SMYD3: variants seen among roughly 807,000 people sequenced by gnomAD.
SMYD3 encodes histone-lysine N-methyltransferase SMYD3.
SMYD3 carries 36 observed loss-of-function variants against 57.7 expected under a neutral mutation model. The ratio of observed to expected loss-of-function variants is 0.62; its 90% CI spans 0.48 to 0.82. The LOEUF (loss-of-function observed/expected upper bound fraction) is 0.82, where lower values mean the gene tolerates loss of function less well. Among genes scored for constraint, SMYD3 ranks in the 40% least tolerant of loss-of-function variants. The probability of loss-of-function intolerance (pLI) is 0.00; values close to 1 mark genes in which losing one functional copy is unlikely to be tolerated. For synonymous variants in SMYD3, 211 were observed against 195.0 expected (o/e 1.08, Z -0.68); for missense variants, 515 against 538.8 (o/e 0.96, Z 0.44).
intron 5 of SMYD3, among the ~76,000 whole-genome samples, chr1:246,121,918 T>C (rs1189920839): frequency 6.6e-6 from 1 of 152,150 alleles, no homozygotes; most frequent in African/African-American, 2.4e-5. Flanking sequence ...AAACTTTCCA[T>C]GTTCAGAATG....
chr1:245,863,389 G>A (rs2051659800), intron 9 of SMYD3, among the ~76,000 whole-genome samples: 1 of 152,118 alleles, frequency 6.6e-6, no homozygotes, highest in Admixed American at 6.5e-5. Context: ...AGTCGTGGCT[G>A]GTTTAATATG....
rs186711638 is a variant in SMYD3 at position 246,479,941 on chromosome 1, C to T, written c.164+27113G>A. On this transcript the variant is annotated intron_variant, in intron 1 of 11. Transcript: ENST00000490107. The stretch of plus-strand genomic sequence containing the variant: ...AACAACAGTGGCATGTAAAGTCTCA[C>T]ATTAAATATCGCAACAAATACTGAA... Among the ~76,000 whole-genome samples the T allele has an allele frequency of 3.9e-5, 6 of 152,280 alleles. No homozygotes were observed. In the East Asian group the frequency reaches 5.8e-4, roughly 15 times the overall value.
intron 8 of SMYD3, among the ~76,000 whole-genome samples, chr1:245,907,225 C>T (rs1425659278): frequency 6.6e-6 from 1 of 152,150 alleles, no homozygotes; most frequent in Non-Finnish European, 1.5e-5. Context: ...GTAATCGGAT[C>T]GTTTGTAACT....
chr1:246,369,610 T>G (rs1221399157), intron 1 of SMYD3, among the ~76,000 whole-genome samples: 2 of 152,156 alleles, frequency 1.3e-5, no homozygotes, highest in African/African-American at 2.4e-5. Context: ...CACTGAAGCC[T>G]CTACCTCCCA....
At chr1:245,812,613 A>AC (rs1480993944) in intron 10 of SMYD3, among the ~76,000 whole-genome samples, 7 of 149,714 alleles carry the variant, frequency 4.7e-5, no homozygotes, top group Non-Finnish European at 8.9e-5. Context: ...TAGGAAACCA[A>AC]CCCCTGGTCA....
At chr1:246,309,059 C>T (rs1474874848) in intron 5 of SMYD3, among the ~76,000 whole-genome samples, 1 of 151,814 alleles carries the variant, frequency 6.6e-6, no homozygotes, top group Non-Finnish European at 1.5e-5. Context: ...AAGAAGCATC[C>T]GTTCTGTATT....
At chr1:246,100,247 G>A (rs1050977392) in intron 5 of SMYD3, among the ~76,000 whole-genome samples, 1 of 152,170 alleles carries the variant, frequency 6.6e-6, no homozygotes, top group Non-Finnish European at 1.5e-5. Context: ...ATTAGTATAA[G>A]CTTTTCATAC....
intron 8 of SMYD3, among the ~76,000 whole-genome samples, chr1:245,877,101 G>A (rs997518844): frequency 3.9e-5 from 6 of 152,218 alleles, no homozygotes; most frequent in African/African-American, 1.4e-4. Context: ...AGGCCACGCT[G>A]TTGGGTGCTT....
At chr1:246,165,878 A>G (rs751753899) in intron 5 of SMYD3, among the ~76,000 whole-genome samples, 10 of 152,186 alleles carry the variant, frequency 6.6e-5, no homozygotes, top group Non-Finnish European at 1.5e-4. Flanking sequence ...CCCACTCTAC[A>G]TTAGGGTGAG....
Position 245,825,132 on chromosome 1 carries a change from G to A in SMYD3, c.1076+33364C>T, listed in dbSNP as rs1474281644. Among the ~76,000 whole-genome samples the A allele has an allele frequency of 3.3e-5, 5 of 152,320 alleles. No individual in the cohort carries two copies. The East Asian group carries it at 9.7e-4, about 29-fold the overall frequency. ...GAGTAGACCCCATAACAGCCACCCA[G>A]ACACGTGAGAATGCAGCTTTGCCTT... is the stretch of plus-strand genomic sequence containing the variant. On this transcript the variant is annotated intron_variant, in intron 10 of 11. Transcript: ENST00000490107.
At chr1:246,465,960 T>C (rs945681957) in intron 1 of SMYD3, among the ~76,000 whole-genome samples, 1 of 152,186 alleles carries the variant, frequency 6.6e-6, no homozygotes, top group Non-Finnish European at 1.5e-5. Context: ...TTAGTAGAGA[T>C]GGGGTTTTGC....
At chr1:246,051,137 T>C (rs1415964228) in intron 5 of SMYD3, among the ~76,000 whole-genome samples, 1 of 150,628 alleles carries the variant, frequency 6.6e-6, no homozygotes, top group Admixed American at 6.6e-5. Flanking sequence ...TTACTCCTTT[T>C]TTTTTTTTTT....
intron 8 of SMYD3, among the ~76,000 whole-genome samples, chr1:245,886,693 G>A (rs147483162): frequency 1.3e-5 from 2 of 152,230 alleles, no homozygotes; most frequent in East Asian, 1.9e-4. Context: ...TGGGTGTAAT[G>A]ATGTGAAAAC....
chr1:245,922,918 T>C (rs1312645396), intron 7 of SMYD3, among the ~76,000 whole-genome samples: 1 of 152,224 alleles, frequency 6.6e-6, no homozygotes, highest in African/African-American at 2.4e-5. Context: ...ACAGACTACT[T>C]AGGTCTTACT....
At chr1:246,387,486 C>T (rs1369960420) in intron 1 of SMYD3, among the ~76,000 whole-genome samples, 1 of 152,166 alleles carries the variant, frequency 6.6e-6, no homozygotes, top group African/African-American at 2.4e-5. Context: ...TATTTGTTAC[C>T]ATGTGCCAGA....
chr1:246,139,870 T>C (rs2061724313), intron 5 of SMYD3, among the ~76,000 whole-genome samples: 1 of 152,236 alleles, frequency 6.6e-6, no homozygotes, highest in Non-Finnish European at 1.5e-5. Flanking sequence ...AAATATGCCA[T>C]GGATAGTCCG....
intron 8 of SMYD3, among the ~76,000 whole-genome samples, chr1:245,866,325 TATAGTA>T (rs2051840602): frequency 6.6e-6 from 1 of 151,462 alleles, no homozygotes; most frequent in Non-Finnish European, 1.5e-5. Flanking sequence ...GTCTGTGTGA[TATAGTA>T]GAGTGGATTT....
intron 10 of SMYD3, among the ~76,000 whole-genome samples, chr1:245,816,903 C>A (rs183101710): frequency 2.0e-5 from 3 of 151,514 alleles, no homozygotes; most frequent in South Asian, 2.1e-4. Flanking sequence ...TCCTACCCGA[C>A]GGAGTCTCGC....
At chr1:246,000,356 G>A (rs2059017059) in intron 5 of SMYD3, among the ~76,000 whole-genome samples, 1 of 152,068 alleles carries the variant, frequency 6.6e-6, no homozygotes, top group Admixed American at 6.5e-5. Flanking sequence ...AAAGGAAAAG[G>A]AGACAGGAGA....
Sources: allele counts gnomAD v4.1 joint callset (sites outside exome capture counted in the v4.1 genomes callset), GRCh38; gene constraint gnomAD v4.1.1; transcripts MANE v1.5; gene names NCBI Gene and HGNC (gene_info 2026-07-23, HGNC 2026-07-21).